Variants in TMEM220 observed in about 807,000 individuals in gnomAD.
TMEM220 encodes transmembrane protein 220.
In TMEM220, 21 loss-of-function variants were observed where a neutral mutation model predicts 21.7. That is an observed-to-expected ratio of 0.97 (90% CI 0.69 to 1.39). The LOEUF (loss-of-function observed/expected upper bound fraction) is 1.39. TMEM220 is among the 40% of genes most tolerant of loss of function. The pLI, the probability that TMEM220 is intolerant of heterozygous loss-of-function variation, is 0.00. For missense variants in TMEM220, 191 were observed against 201.9 expected, an observed-to-expected ratio of 0.95 and a Z score of 0.33; for synonymous variants, 80 against 73.6, an observed-to-expected ratio of 1.09 and a Z score of -0.45.
At chr17:10,716,594 T>C (rs1252961065) in intron 5 of TMEM220, 6 of 470,176 alleles carry the variant, frequency 1.3e-5, no homozygotes, top group Non-Finnish European at 2.5e-5. Flanking sequence ...TGTTTTGCTT[T>C]TTTATAATAG....
chr17:10,728,911 G>T, intron 2 of TMEM220, 120 bp downstream of exon 2: 1 of 1,107,632 alleles, frequency 9.0e-7, no homozygotes, highest in South Asian at 1.3e-5. Flanking sequence ...CCAAGGGTTT[G>T]ATTTTTAAGT....
At chr17:10,720,685 C>A (rs1203957510) in intron 5 of TMEM220, among the ~76,000 whole-genome samples, 1 of 152,004 alleles carries the variant, frequency 6.6e-6, no homozygotes, top group Non-Finnish European at 1.5e-5. Context: ...ATACAATTAG[C>A]CCTAGAAATA....
chr17:10,721,618 AAG>A (rs1181150550), intron 5 of TMEM220, among the ~76,000 whole-genome samples: 6 of 53,794 alleles, frequency 1.1e-4, no homozygotes, highest in East Asian at 5.8e-4. Flanking sequence ...AAAAAAAAAA[AAG>A]AAAAAAAGAA....
intron 5 of TMEM220, among the ~76,000 whole-genome samples, chr17:10,719,855 T>C (rs1454643435): frequency 6.6e-6 from 1 of 152,174 alleles, no homozygotes; most frequent in Non-Finnish European, 1.5e-5. Flanking sequence ...ATAGAGCTTC[T>C]AAAAATAGAG....
chr17:10,711,721 G>A (rs1285665505), downstream of TMEM220, among the ~76,000 whole-genome samples: 1 of 152,232 alleles, frequency 6.6e-6, no homozygotes, highest in Non-Finnish European at 1.5e-5. Context: ...TGGCAGTGCA[G>A]CCATGTGCCA....
chr17:10,727,394 A>C (rs2075060711), intron 2 of TMEM220, among the ~76,000 whole-genome samples: 1 of 152,154 alleles, frequency 6.6e-6, no homozygotes, highest in South Asian at 2.1e-4. Flanking sequence ...TCTGAACAAG[A>C]ATGACTCAGA....
intron 5 of TMEM220, 54 bp downstream of exon 5, chr17:10,723,216 T>C: frequency 6.7e-7 from 1 of 1,497,132 alleles, no homozygotes; most frequent in South Asian, 1.1e-5. Context: ...CCTGACCTCG[T>C]GATCTGCCCG....
At chr17:10,722,263 G>A (rs749473395) in intron 5 of TMEM220, among the ~76,000 whole-genome samples, 30 of 152,306 alleles carry the variant, frequency 2.0e-4, no homozygotes, top group Admixed American at 4.6e-4. Context: ...CCAAAGTGCT[G>A]AGATTACAGG....
In TMEM220 at chr17:10,715,348, A is replaced by AAACC. The variant is rs10676707; in HGVS notation, c.*104_*105insGGTT. On this transcript the variant is annotated 3_prime_UTR_variant, in exon 6 of 6. Coordinates refer to ENST00000341871, the MANE Select transcript of TMEM220 (RefSeq NM_001004313.3). ...TTAAAAAGTTATTTGGAGTTTTAAA[A>AAACC]CTATTAGCCCAAATTACCTGAAATA... 3.6e-6 allele frequency: 4 copies of AAACC among 1,099,042 alleles called. No homozygotes were observed. The highest frequency in any genetic ancestry group is 3.3e-5 in the African/African-American group (2 of 60,184). The allele number at this position is 1,099,042 out of a possible 1,614,324, so 68.1% of individuals were successfully genotyped here.
intron 5 of TMEM220, among the ~76,000 whole-genome samples, chr17:10,722,113 C>T (rs1012989591): frequency 2.0e-5 from 3 of 152,016 alleles, no homozygotes; most frequent in African/African-American, 7.2e-5. Flanking sequence ...TTGCCTCAGC[C>T]TCCCAAGTAG....
At chr17:10,717,958 T>A (rs1028899804) in intron 5 of TMEM220, among the ~76,000 whole-genome samples, 1 of 151,960 alleles carries the variant, frequency 6.6e-6, no homozygotes, top group Non-Finnish European at 1.5e-5. Flanking sequence ...GTAGCCAGGA[T>A]TACAGGTGCC....
In TMEM220 at chr17:10,723,259, T is replaced by G. The variant is rs754879084; in HGVS notation, c.347+11A>C. 1.2e-6 allele frequency: 2 copies of G among 1,613,170 alleles called. No individual in the cohort carries two copies. Among genetic ancestry groups the G allele is most frequent in the Non-Finnish European group, 1.7e-6 (2 of 1,179,390 alleles). ...CTCCCAAAGTGAAGATGTGATGAGT[T>G]GAATACTTACTTTGAGGAACTGTGG... On this transcript the variant is annotated intron_variant, in intron 5 of 5. Transcript: ENST00000341871.
intron 5 of TMEM220, among the ~76,000 whole-genome samples, chr17:10,719,751 AC>A (rs2074966235): frequency 6.6e-6 from 1 of 152,196 alleles, no homozygotes; most frequent in East Asian, 1.9e-4. Flanking sequence ...AAAAACAACA[AC>A]AAAAGACTTT....
At chr17:10,728,522 G>A (rs938735540) in intron 2 of TMEM220, among the ~76,000 whole-genome samples, 2 of 152,052 alleles carry the variant, frequency 1.3e-5, no homozygotes, top group African/African-American at 4.8e-5. Flanking sequence ...TGTTGCTCAG[G>A]CTGATCTAGA....
chr17:10,715,436 G>T lies in TMEM220; in HGVS notation c.*17C>A, dbSNP rs377207239. 19 of 1,571,230 alleles carry T rather than the reference G, an allele frequency of 1.2e-5. No homozygotes were observed. Among genetic ancestry groups the T allele is most frequent in the Non-Finnish European group, 1.5e-5 (18 of 1,168,714 alleles). The stretch of plus-strand genomic sequence containing the variant: ...GATTGAAAATATTCATTTTAAAAAC[G>T]AAGTTCTTGAATTTATTTAAATTAC... On this transcript the variant is annotated 3_prime_UTR_variant, in exon 6 of 6. Transcript: ENST00000341871.
At chr17:10,729,459 G>A (rs2075094109) in intron 1 of TMEM220, among the ~76,000 whole-genome samples, 1 of 152,166 alleles carries the variant, frequency 6.6e-6, no homozygotes, top group Admixed American at 6.5e-5. Context: ...TAGGCCCTGA[G>A]ATATGTTCAG....
intron 5 of TMEM220, among the ~76,000 whole-genome samples, chr17:10,716,856 GTCT>G (rs771780256): frequency 1.3e-5 from 2 of 151,918 alleles, no homozygotes; most frequent in Admixed American, 6.6e-5. Flanking sequence ...AATTATTTAG[GTCT>G]TCTTCAATTT....
At chr17:10,723,474 C>T in intron 4 of TMEM220, 145 bp from the exon 5 acceptor site, 1 of 665,770 alleles carries the variant, frequency 1.5e-6, no homozygotes, top group Non-Finnish European at 2.7e-6. Flanking sequence ...GGAATATTTT[C>T]AAATCTGACC....
rs140435479 is a variant in TMEM220 at position 10,726,255 on chromosome 17, T to C, written c.112A>G (p.Thr38Ala). Residue 38 changes from threonine (T) to alanine (A), a missense_variant, in exon 3 of 6, where the codon ACA (threonine) becomes GCA (alanine). Thr to Ala is a moderately conservative substitution (Grantham distance 58). Coordinates refer to ENST00000341871, the MANE Select transcript of TMEM220 (RefSeq NM_001004313.3). The part of the protein sequence containing the change: ...PDAEVWVVVY[T>A]IPAVLTLLVG... ...AGCAGGGTCAGTACTGCAGGGATTG[T>C]GTACACCACCTGTTAGCAAAAAGGG... 9.2e-5 allele frequency: 149 copies of C among 1,613,910 alleles called. No homozygotes were observed. Among genetic ancestry groups the C allele is most frequent in the Middle Eastern group, 8.2e-4 (5 of 6,084 alleles).
Sources: allele counts gnomAD v4.1 joint callset (sites outside exome capture counted in the v4.1 genomes callset), GRCh38; gene constraint gnomAD v4.1.1; transcripts MANE v1.5; gene names NCBI Gene and HGNC (gene_info 2026-07-23, HGNC 2026-07-21).